ADGRG6: variants seen among roughly 807,000 people sequenced by gnomAD.
The protein encoded by ADGRG6 is adhesion G protein-coupled receptor G6.
In ADGRG6, 84 loss-of-function variants were observed where a neutral mutation model predicts 142.4. The observed-to-expected ratio is 0.59, with a 90% CI of 0.49 to 0.71. ADGRG6 has a LOEUF of 0.71. Among genes scored for constraint, ADGRG6 ranks in the 30% least tolerant of loss-of-function variants. The pLI is 0.00. For synonymous variants in ADGRG6, 521 were observed against 520.5 expected (o/e 1.00, Z -0.01); for missense variants, 1,367 against 1,466.6 (o/e 0.93, Z 1.11).
In ADGRG6 at chr6:142,302,438, G is replaced by T. The variant is rs1262979245; in HGVS notation, c.2+107G>T. 9 of 1,166,504 alleles carry T rather than the reference G, an allele frequency of 7.7e-6. No homozygotes were observed. In the East Asian group the frequency reaches 2.3e-4, roughly 30 times the overall value. 72.3% of individuals were successfully genotyped at this position (1,166,504 alleles called of 1,614,324 possible). A position where few individuals can be genotyped will look rare whatever the true frequency, so the allele number is the denominator to read the frequency against. On this transcript the variant is annotated intron_variant, in intron 1 of 24. Coordinates refer to ENST00000367609, the MANE Select transcript of ADGRG6 (RefSeq NM_198569.3). ...CCCTCAAGAGAAATGATTTTATAAG[G>T]ACTTCAACTGCACGGAGGGAATAAA...
At chr6:142,405,509 C>T in intron 14 of ADGRG6, 179 bp from the exon 15 acceptor site, 1 of 678,116 alleles carries the variant, frequency 1.5e-6, no homozygotes. Flanking sequence ...ATGAGATCTA[C>T]AGCTCTGTCT....
chr6:142,354,432 A>G (rs1188797726), intron 2 of ADGRG6, among the ~76,000 whole-genome samples: 1 of 152,154 alleles, frequency 6.6e-6, no homozygotes, highest in East Asian at 1.9e-4. Flanking sequence ...TTAATGGCCA[A>G]ATATAATCCT....
chr6:142,372,306 ACTCT>A (rs1177896639), intron 4 of ADGRG6, among the ~76,000 whole-genome samples: 1 of 152,204 alleles, frequency 6.6e-6, no homozygotes, highest in Non-Finnish European at 1.5e-5. Context: ...CACAGACATA[ACTCT>A]CAATTAAAAA....
At chr6:142,341,783 T>A (rs1183167243) in intron 2 of ADGRG6, among the ~76,000 whole-genome samples, 1 of 149,698 alleles carries the variant, frequency 6.7e-6, no homozygotes, top group African/African-American at 2.5e-5. Context: ...CCTCTCCTTC[T>A]AAATTGTAAA....
chr6:142,443,831 A>G lies in ADGRG6; in HGVS notation c.*316A>G, dbSNP rs970884913. On this transcript the variant is annotated 3_prime_UTR_variant, in exon 25 of 25. Coordinates refer to ENST00000367609, the MANE Select transcript of ADGRG6 (RefSeq NM_198569.3). ...GACATTCAAATTAGAGACAAGGGAG[A>G]AGCAATGCTGAGGAAGACCCTAGAT... 1 of 190,478 alleles carries G rather than the reference A, an allele frequency of 5.2e-6. No homozygotes were observed. The highest frequency in any genetic ancestry group is 2.0e-3 in the Middle Eastern group (1 of 488). 11.8% of individuals were successfully genotyped at this position (190,478 alleles called of 1,614,324 possible). A position where few individuals can be genotyped will look rare whatever the true frequency, so the allele number is the denominator to read the frequency against.
At chr6:142,349,663 A>G (rs1237870556) in intron 2 of ADGRG6, among the ~76,000 whole-genome samples, 1 of 152,216 alleles carries the variant, frequency 6.6e-6, no homozygotes, top group Non-Finnish European at 1.5e-5. Context: ...TGACTACATG[A>G]TGTTGGCTAT....
chr6:142,311,791 C>T (rs1448667999), intron 2 of ADGRG6, among the ~76,000 whole-genome samples: 2 of 151,938 alleles, frequency 1.3e-5, no homozygotes, highest in Non-Finnish European at 2.9e-5. Flanking sequence ...TGCTGATCCT[C>T]ATCTACCCTT....
At chr6:142,410,912 T>C (rs1267884985) in intron 17 of ADGRG6, among the ~76,000 whole-genome samples, 1 of 151,696 alleles carries the variant, frequency 6.6e-6, no homozygotes, top group Non-Finnish European at 1.5e-5. Context: ...AAGCAAACCT[T>C]CTTTGTTCTT....
chr6:142,324,618 A>G (rs1294831542), intron 2 of ADGRG6, among the ~76,000 whole-genome samples: 1 of 152,076 alleles, frequency 6.6e-6, no homozygotes, highest in Non-Finnish European at 1.5e-5. Flanking sequence ...CTTAATTATC[A>G]GGTATGTGTG....
chr6:142,353,431 C>G (rs1423628950), intron 2 of ADGRG6, among the ~76,000 whole-genome samples: 1 of 152,026 alleles, frequency 6.6e-6, no homozygotes, highest in African/African-American at 2.4e-5. Context: ...TGTCTCCCTC[C>G]CAGCCTTTCC....
In ADGRG6 at chr6:142,416,069, G is replaced by A; in HGVS notation, c.2938+5G>A. 2 of 1,592,006 alleles carry A rather than the reference G, an allele frequency of 1.3e-6. No homozygotes were observed. Among genetic ancestry groups the A allele is most frequent in the South Asian group, 2.3e-5 (2 of 87,254 alleles). ...AATTCTGCATCATTGGCTGGGGTAA[G>A]CCTCTTAAAATTTTTTTGGTTTTGT... is the stretch of plus-strand genomic sequence containing the variant. On this transcript the variant is annotated splice_donor_5th_base_variant and intron_variant, in intron 20 of 24. Transcript: ENST00000367609.
intron 2 of ADGRG6, among the ~76,000 whole-genome samples, chr6:142,315,230 C>A (rs1777982471): frequency 6.6e-6 from 1 of 151,972 alleles, no homozygotes; most frequent in South Asian, 2.1e-4. Context: ...CTTTTAAATT[C>A]TTTTTAATTC....
At chr6:142,415,230 T>C (rs999949925) in intron 19 of ADGRG6, 134 bp downstream of exon 19, 5 of 500,054 alleles carry the variant, frequency 1.0e-5, no homozygotes, top group Non-Finnish European at 1.3e-5. Flanking sequence ...TGATAAAATA[T>C]ATTATGTAAC....
At chr6:142,436,201 G>A (rs34886145) in intron 22 of ADGRG6, among the ~76,000 whole-genome samples, 2,229 of 152,208 alleles carry the variant, frequency 0.015, 28 homozygotes, top group Non-Finnish European at 0.023. Context: ...ACCCAAAGTG[G>A]CAATGTAACC....
chr6:142,433,492 T>A lies in ADGRG6; in HGVS notation c.3320-3942T>A, dbSNP rs549996657. Among the ~76,000 whole-genome samples the A allele has an allele frequency of 2.6e-5, 4 of 152,296 alleles. No homozygotes were observed. In the South Asian group the frequency reaches 6.2e-4, roughly 24 times the overall value. ...GATTTAGTCATGTAGAGTGTGAGGA[T>A]GAAATCCTAACCGAATGATATCTAT... On this transcript the variant is annotated intron_variant, in intron 22 of 24. Transcript: ENST00000367609.
At position 142,308,887 on chromosome 6, in the gene ADGRG6, A is replaced by G. The variant is rs577987935; in HGVS notation, c.3-657A>G. ...AGAATTAAATGAGTAAGTCATGCAG[A>G]AGGATAGTTGAGTTTTCAAAGCACC... On this transcript the variant is annotated intron_variant, in intron 1 of 24. Transcript: ENST00000367609. Among the ~76,000 whole-genome samples, 9 of 152,016 alleles carry G rather than the reference A, an allele frequency of 5.9e-5. No homozygotes were observed. In the South Asian group the frequency reaches 1.9e-3, roughly 32 times the overall value.
chr6:142,443,587 T>C lies in ADGRG6; in HGVS notation c.*72T>C, dbSNP rs1777860999. 1.0e-6 allele frequency: 1 copy of C among 969,308 alleles called. No homozygotes were observed. The highest frequency in any genetic ancestry group is 2.2e-5 in the Admixed American group (1 of 46,354). The allele number at this position is 969,308 out of a possible 1,614,324, so 60.0% of individuals were successfully genotyped here. On this transcript the variant is annotated 3_prime_UTR_variant, in exon 25 of 25. Transcript: ENST00000367609. ...AAGCAGTGTAAACTGCAACTAGTGA[T>C]GTAAATGTGCTATTACCTAGGTAAC...
At chr6:142,405,666 T>A (rs1355665300) in intron 14 of ADGRG6, 22 bp from the exon 15 acceptor site, 1 of 1,586,430 alleles carries the variant, frequency 6.3e-7, no homozygotes, top group Non-Finnish European at 8.6e-7. Flanking sequence ...ACTTGACCAA[T>A]ATATCTGTGT....
chr6:142,437,646 G>T, intron 23 of ADGRG6, 111 bp downstream of exon 23: 1 of 672,988 alleles, frequency 1.5e-6, no homozygotes, highest in East Asian at 2.6e-5. Context: ...TATTGAAGTG[G>T]AGCATGTGAA....
Sources: gnomAD v4.1 joint callset for allele counts (sites outside exome capture counted in the v4.1 genomes callset) on GRCh38, gnomAD v4.1.1 for gene constraint, MANE v1.5 for transcripts, NCBI Gene and HGNC (gene_info 2026-07-23, HGNC 2026-07-21) for gene names.